Variants in LRRC37A2 observed in about 807,000 individuals in gnomAD.
LRRC37A2 encodes the protein leucine rich repeat containing 37 member A2, also known as leucine-rich repeat-containing protein 37A2.
A neutral mutation model predicts 68.8 loss-of-function variants in LRRC37A2; 9 were observed. The ratio of observed to expected loss-of-function variants is 0.13; its 90% confidence interval spans 0.08 to 0.23. The LOEUF (loss-of-function observed/expected upper bound fraction) is 0.23. LRRC37A2 is among the 10% of genes least tolerant of loss of function. LRRC37A2 has a pLI of 1.00. For missense variants in LRRC37A2, 168 were observed against 950.4 expected, an observed-to-expected ratio of 0.18 and a Z score of 10.82; for synonymous variants, 63 against 367.6, an observed-to-expected ratio of 0.17 and a Z score of 9.48.
chr17:46,493,067 T>C, the LRRC37A2 span, among the ~76,000 whole-genome samples: 5 of 147,580 alleles, frequency 3.4e-5, no homozygotes, highest in East Asian at 2.0e-4. Context: ...TTAATTTCCT[T>C]GTCCCTAATG....
chr17:47,001,036 T>C, the LRRC37A2 span, among the ~76,000 whole-genome samples: 1 of 152,096 alleles, frequency 6.6e-6, no homozygotes, highest in African/African-American at 2.4e-5. Flanking sequence ...CTTGGGAGAC[T>C]GAGGCAGAAG....
chr17:46,495,635 T>G, the LRRC37A2 span, among the ~76,000 whole-genome samples: 125 of 151,054 alleles, frequency 8.3e-4, no homozygotes, highest in Admixed American at 1.3e-3. Flanking sequence ...TTCGTCTGCC[T>G]TGGCCTCCCA....
the LRRC37A2 span, among the ~76,000 whole-genome samples, chr17:46,844,466 C>CAGTCAGGA: frequency 6.6e-6 from 1 of 152,106 alleles, no homozygotes; most frequent in African/African-American, 2.4e-5. Context: ...AACTGTCTAC[C>CAGTCAGGA]AGTCAGGACA....
chr17:47,010,925 G>T, the LRRC37A2 span, among the ~76,000 whole-genome samples: 4 of 152,326 alleles, frequency 2.6e-5, no homozygotes, highest in Middle Eastern at 3.4e-3. Flanking sequence ...GCAGTGTGGG[G>T]TGGATTGTTG....
chr17:46,836,843 A>G, the LRRC37A2 span, among the ~76,000 whole-genome samples: 1 of 152,112 alleles, frequency 6.6e-6, no homozygotes, highest in Non-Finnish European at 1.5e-5. Flanking sequence ...AAAAAGCTAG[A>G]TGTGTGAATA....
chr17:47,035,527 T>C, the LRRC37A2 span, among the ~76,000 whole-genome samples: 1 of 152,256 alleles, frequency 6.6e-6, no homozygotes, highest in East Asian at 1.9e-4. Context: ...TATTCCATTG[T>C]ATGGAGCCAT....
chr17:46,392,433 CTTTCTT>C, the LRRC37A2 span, among the ~76,000 whole-genome samples: 1 of 28,688 alleles, frequency 3.5e-5, no homozygotes, highest in Non-Finnish European at 1.3e-4. Flanking sequence ...TTCTTTCTCT[CTTTCTT>C]TCTTTCTTTC....
At chr17:46,859,805 T>C in the LRRC37A2 span, among the ~76,000 whole-genome samples, 1 of 152,208 alleles carries the variant, frequency 6.6e-6, no homozygotes, top group East Asian at 1.9e-4. Flanking sequence ...CTAACAATAT[T>C]GAGTCTGCTG....
At chr17:46,942,731 G>A in the LRRC37A2 span, among the ~76,000 whole-genome samples, 2 of 152,230 alleles carry the variant, frequency 1.3e-5, no homozygotes, top group Non-Finnish European at 2.9e-5. Flanking sequence ...CCTATCTGTG[G>A]CTAGTGGGCC....
At chr17:46,872,607 C>A in the LRRC37A2 span, 4 of 1,612,700 alleles carry the variant, frequency 2.5e-6, no homozygotes, top group Non-Finnish European at 2.5e-6. Context: ...AGCAGTGTGA[C>A]CTGCTGAAGC....
At chr17:46,901,709 A>T in the LRRC37A2 span, among the ~76,000 whole-genome samples, 2 of 152,212 alleles carry the variant, frequency 1.3e-5, no homozygotes, top group African/African-American at 4.8e-5. Flanking sequence ...ATATCTCTTC[A>T]TGCTTAAGGC....
At chr17:46,823,149 TATTTATATA>T in the LRRC37A2 span, among the ~76,000 whole-genome samples, 1 of 129,098 alleles carries the variant, frequency 7.7e-6, no homozygotes, top group African/African-American at 3.1e-5. Flanking sequence ...ATATTATATA[TATTTATATA>T]TTATATATTA....
chr17:46,851,569 G>A, the LRRC37A2 span: 1 of 866,928 alleles, frequency 1.2e-6, no homozygotes, highest in Non-Finnish European at 1.5e-6. This position sits in a 1 kb window ranked among gnomAD's most constrained non-coding sequence, Gnocchi z 4.3. Flanking sequence ...AGTCCCGCGG[G>A]CGGGTGGTGG....
At chr17:46,859,792 G>T in the LRRC37A2 span, among the ~76,000 whole-genome samples, 1 of 152,054 alleles carries the variant, frequency 6.6e-6, no homozygotes, top group Non-Finnish European at 1.5e-5. Flanking sequence ...GAAGATTGAC[G>T]TTCTAACAAT....
chr17:46,935,062 C>T, the LRRC37A2 span: 6 of 1,611,902 alleles, frequency 3.7e-6, no homozygotes, highest in Non-Finnish European at 5.1e-6. Flanking sequence ...GGACGAATCA[C>T]TGCAGTTTAA....
the LRRC37A2 span, among the ~76,000 whole-genome samples, chr17:46,858,110 A>G: frequency 6.6e-6 from 1 of 152,126 alleles, no homozygotes; most frequent in African/African-American, 2.4e-5. Flanking sequence ...TTGTATTTGT[A>G]GTAGAGATAA....
chr17:46,876,931 A>C, the LRRC37A2 span: 1 of 1,332,590 alleles, frequency 7.5e-7, no homozygotes, highest in Non-Finnish European at 9.6e-7. Flanking sequence ...TCCTCCCTTA[A>C]CCCAAGCATC....
chr17:47,038,133 A>G, the LRRC37A2 span, among the ~76,000 whole-genome samples: 1 of 152,068 alleles, frequency 6.6e-6, no homozygotes, highest in Non-Finnish European at 1.5e-5. Context: ...CTGAGACCTT[A>G]TCTCTACAAA....
At chr17:46,817,220 C>T in the LRRC37A2 span, among the ~76,000 whole-genome samples, 3 of 152,202 alleles carry the variant, frequency 2.0e-5, no homozygotes, top group Non-Finnish European at 2.9e-5. Flanking sequence ...GCTGTCTCTG[C>T]TCCTCCTACC....
Sources: gnomAD v4.1 joint callset for allele counts (sites outside exome capture counted in the v4.1 genomes callset) on GRCh38, gnomAD v4.1.1 for gene constraint, Gnocchi (gnomAD v3.1) non-coding constraint, MANE v1.5 for transcripts, NCBI Gene and HGNC (gene_info 2026-07-23, HGNC 2026-07-21) for gene names.